Variants in SIN3A observed in about 807,000 individuals in gnomAD.
SIN3A encodes SIN3 transcription regulator family member A.
In SIN3A, 14 loss-of-function variants were observed where a neutral mutation model predicts 146.1. The ratio of observed to expected loss-of-function variants is 0.10; its 90% confidence interval spans 0.06 to 0.15. SIN3A has a LOEUF of 0.15. SIN3A is among the 10% of genes least tolerant of loss of function. The pLI is 1.00. For missense variants in SIN3A, 1,028 were observed against 1,576.0 expected (o/e 0.65, Z 5.89); for synonymous variants, 572 against 572.0 (o/e 1.00, Z 0.00).
intron 14 of SIN3A, among the ~76,000 whole-genome samples, chr15:75,394,408 A>AGGTAGTC (rs2141432285): frequency 6.6e-6 from 1 of 152,346 alleles, no homozygotes; most frequent in East Asian, 1.9e-4. Flanking sequence ...TGAAGGAAAC[A>AGGTAGTC]GGTAGTCGGA....
chr15:75,386,824 G>A (rs144192714), intron 16 of SIN3A, among the ~76,000 whole-genome samples: 13 of 152,124 alleles, frequency 8.5e-5, no homozygotes, highest in African/African-American at 3.1e-4. Context: ...CCTACAATAG[G>A]TAAGATAAAT....
chr15:75,391,612 A>G (rs1432080230), intron 15 of SIN3A, among the ~76,000 whole-genome samples: 2 of 152,166 alleles, frequency 1.3e-5, no homozygotes, highest in Non-Finnish European at 2.9e-5. Context: ...TCAAGTACCT[A>G]ATTTATGACG....
chr15:75,444,957 T>C (rs1454350362), intron 1 of SIN3A, among the ~76,000 whole-genome samples: 1 of 152,188 alleles, frequency 6.6e-6, no homozygotes, highest in Non-Finnish European at 1.5e-5. Context: ...AGGCCAGGCA[T>C]GGTGGCTAAC....
At chr15:75,412,673 G>C (rs897274077) in intron 5 of SIN3A, 90 bp downstream of exon 5, 1 of 1,254,362 alleles carries the variant, frequency 8.0e-7, no homozygotes, top group Admixed American at 2.8e-5. Flanking sequence ...TTGTTTCTCA[G>C]TATCTAAGTC....
At chr15:75,387,044 A>G (rs973056576) in intron 16 of SIN3A, among the ~76,000 whole-genome samples, 2 of 152,004 alleles carry the variant, frequency 1.3e-5, no homozygotes, top group African/African-American at 2.4e-5. Flanking sequence ...TGGACTCAAT[A>G]TATCTGCCCG....
At chr15:75,374,580 C>CA (rs1471339616) in intron 20 of SIN3A, among the ~76,000 whole-genome samples, 1 of 152,246 alleles carries the variant, frequency 6.6e-6, no homozygotes, top group African/African-American at 2.4e-5. Flanking sequence ...CAGTGCATCT[C>CA]AAACAAATTA....
chr15:75,384,360 G>A lies in SIN3A; in HGVS notation c.3099C>T (p.Thr1033=), dbSNP rs767391410. The part of the protein sequence containing the change: ...LYLAENNNGA[T]GGQLNTQNSR... ...AGTTCTGTGTGTTCAGCTGGCCTCC[G>A]GTGGCCCCATTATTATTTTCTGCCA... is the stretch of plus-strand genomic sequence containing the variant. The change falls in exon 17 of 21, where the codon ACC becomes ACT. Residue 1033 remains threonine (T), a synonymous_variant. Transcript: ENST00000394947. 23 of 1,613,440 alleles carry A rather than the reference G, an allele frequency of 1.4e-5. No individual in the cohort carries two copies. Among genetic ancestry groups the A allele is most frequent in the South Asian group, 4.4e-5 (4 of 91,058 alleles).
rs1225602913 is a variant in SIN3A at position 75,408,038 on chromosome 15, T to A, written c.1318-894A>T. ...TACTTTTAAAATCCACCACTTACTC[T>A]CTATGAAGAAATGCACAAACTTTGT... On this transcript the variant is annotated intron_variant, in intron 8 of 20. Coordinates refer to ENST00000394947, the MANE Select transcript of SIN3A (RefSeq NM_001145358.2). Among the ~76,000 whole-genome samples, 19 of 151,512 alleles carry A rather than the reference T, an allele frequency of 1.3e-4. 1 individual carries two copies.
At chr15:75,406,458 C>T (rs551456240) in intron 9 of SIN3A, among the ~76,000 whole-genome samples, 27 of 152,260 alleles carry the variant, frequency 1.8e-4, no homozygotes, top group South Asian at 2.1e-4. Flanking sequence ...GAGGCCGAGG[C>T]GGGCGGATCA....
chr15:75,437,503 T>C (rs774691295), intron 1 of SIN3A, among the ~76,000 whole-genome samples: 2 of 152,076 alleles, frequency 1.3e-5, no homozygotes, highest in African/African-American at 2.4e-5. Flanking sequence ...GATACTCAAA[T>C]TAAATGACTT....
chr15:75,452,249 A>G (rs1595938046), upstream of SIN3A, among the ~76,000 whole-genome samples: 2 of 152,378 alleles, frequency 1.3e-5, no homozygotes, highest in East Asian at 3.9e-4. Context: ...GCGCCCGTCT[A>G]GGAAGGAGCT....
intron 16 of SIN3A, among the ~76,000 whole-genome samples, chr15:75,385,451 A>G (rs1376054793): frequency 6.6e-6 from 1 of 152,218 alleles, no homozygotes; most frequent in East Asian, 1.9e-4. Flanking sequence ...GACTATCAGT[A>G]GCTTTTGTGA....
intron 1 of SIN3A, among the ~76,000 whole-genome samples, chr15:75,431,944 C>T (rs2074020132): frequency 2.0e-5 from 3 of 152,182 alleles, no homozygotes; most frequent in Non-Finnish European, 1.5e-5. Context: ...AAACTCAAGC[C>T]ACAAATATGC....
In SIN3A at chr15:75,412,970, G is replaced by A. The variant is rs773895852; in HGVS notation, c.549C>T (p.Asn183=). ...TTTTGTAGCCAGGGGGCAAGAAGGTGTTGAATCCCATTATCAGATCGGGGT... is the reference window on the plus strand; with the variant it reads ...TTTTGTAGCCAGGGGGCAAGAAGGTATTGAATCCCATTATCAGATCGGGGT... ...KGHPDLIMGF[N]TFLPPGYKIE... Residue 183 remains asparagine, a synonymous_variant, in exon 5 of 21, where the codon AAC becomes AAT. Transcript: ENST00000394947. The A allele has an allele frequency of 3.7e-6, 6 of 1,614,152 alleles. No homozygotes were observed. Among genetic ancestry groups the A allele is most frequent in the Non-Finnish European group, 5.1e-6 (6 of 1,180,006 alleles).
intron 4 of SIN3A, 116 bp downstream of exon 4, chr15:75,414,089 G>C (rs2073691755): frequency 2.2e-6 from 1 of 454,812 alleles, no homozygotes; most frequent in Admixed American, 4.3e-5. Flanking sequence ...GCATGATTTT[G>C]AAAATTCAGC....
At chr15:75,377,261 A>T (rs2072879523) in intron 19 of SIN3A, among the ~76,000 whole-genome samples, 1 of 152,204 alleles carries the variant, frequency 6.6e-6, no homozygotes, top group African/African-American at 2.4e-5. Context: ...ATGCGACTGC[A>T]ATTCAAGTCT....
intron 14 of SIN3A, among the ~76,000 whole-genome samples, chr15:75,394,055 G>A (rs980874901): frequency 2.0e-5 from 3 of 151,066 alleles, no homozygotes; most frequent in African/African-American, 7.3e-5. Flanking sequence ...TGATCTGCCC[G>A]CCTCAGCCTC....
intron 9 of SIN3A, among the ~76,000 whole-genome samples, chr15:75,402,723 C>T: frequency 6.6e-6 from 1 of 152,120 alleles, no homozygotes; most frequent in East Asian, 1.9e-4. Flanking sequence ...CAACCTCTGC[C>T]TCCTGGGTTC....
intron 19 of SIN3A, among the ~76,000 whole-genome samples, chr15:75,378,239 G>C (rs1422438247): frequency 1.3e-5 from 2 of 152,200 alleles, no homozygotes; most frequent in Non-Finnish European, 2.9e-5. Context: ...GCCCACTGAT[G>C]TATAAATTGA....
Sources: gnomAD v4.1 joint callset for allele counts (sites outside exome capture counted in the v4.1 genomes callset) on GRCh38, gnomAD v4.1.1 for gene constraint, MANE v1.5 for transcripts, NCBI Gene and HGNC (gene_info 2026-07-23, HGNC 2026-07-21) for gene names.